Variants in NADK observed in about 807,000 individuals in gnomAD.
The protein encoded by NADK is poly(P)/ATP NAD kinase.
Under a neutral mutation model 49.8 loss-of-function variants are expected in NADK, and 22 were observed. The observed-to-expected ratio is 0.44, with a 90% CI of 0.32 to 0.63. NADK has a LOEUF of 0.63. NADK is among the 30% of genes least tolerant of loss of function. The pLI is 0.06. For synonymous variants in NADK, 268 were observed against 253.7 expected (o/e 1.06, Z -0.54); for missense variants, 438 against 609.4 (o/e 0.72, Z 2.96).
At chr1:1,761,067 T>C (rs938220547) in intron 3 of NADK, among the ~76,000 whole-genome samples, 2 of 152,104 alleles carry the variant, frequency 1.3e-5, no homozygotes, top group Non-Finnish European at 2.9e-5. Context: ...ATCTTCGGCT[T>C]ACTGCAACAT....
chr1:1,771,075 TAC>T (rs1193841983), intron 1 of NADK, among the ~76,000 whole-genome samples: 14 of 142,628 alleles, frequency 9.8e-5, no homozygotes, highest in South Asian at 4.3e-4. Flanking sequence ...TATATATATA[TAC>T]ACACACACAC....
intron 3 of NADK, chr1:1,759,115 T>G: frequency 6.4e-7 from 1 of 1,551,426 alleles, no homozygotes; most frequent in South Asian, 1.2e-5. Context: ...TGGCCTGGCC[T>G]ACACCCATTC....
intron 1 of NADK, among the ~76,000 whole-genome samples, chr1:1,773,156 C>T (rs1241206694): frequency 6.6e-6 from 1 of 150,834 alleles, no homozygotes; most frequent in Middle Eastern, 3.2e-3. Context: ...TTTTTTTTCC[C>T]CAGACGAAGT....
chr1:1,756,296 C>T lies in NADK; in HGVS notation c.547G>A (p.Gly183Arg). 1.2e-6 allele frequency: 2 copies of T among 1,614,152 alleles called. No homozygotes were observed. The highest frequency in any genetic ancestry group is 1.7e-6 in the Non-Finnish European group (2 of 1,180,002). ...GAAGCGTACAGCAGCGTCCCGTCTC[C>T]CCCCAGGCAGATGATGAAGTCTATC... Reference protein sequence around the residue: ...NQIDFIICLGGDGTLLYASSL... With the variant: ...NQIDFIICLGRDGTLLYASSL... Residue 183 changes from glycine to arginine, a missense_variant, in exon 6 of 12, where the codon GGA becomes AGA. Transcript: ENST00000341426.
At chr1:1,753,153 G>A (rs1384005192) in intron 11 of NADK, 93 bp from the exon 12 acceptor site, 7 of 1,451,222 alleles carry the variant, frequency 4.8e-6, no homozygotes, top group African/African-American at 1.4e-5. Flanking sequence ...GGGAATGGCC[G>A]GGACTCTTTT....
intron 1 of NADK, among the ~76,000 whole-genome samples, chr1:1,773,250 C>G (rs1200379981): frequency 6.6e-6 from 1 of 151,120 alleles, no homozygotes; most frequent in Non-Finnish European, 1.5e-5. Flanking sequence ...AGCAATTCTC[C>G]TGCCTCAGCC....
chr1:1,753,953 T>A, intron 10 of NADK, 98 bp downstream of exon 10: 1 of 1,443,022 alleles, frequency 6.9e-7, no homozygotes, highest in Non-Finnish European at 9.3e-7. Flanking sequence ...CGTCTGAGGC[T>A]GGAGCCAGCA....
intron 1 of NADK, among the ~76,000 whole-genome samples, chr1:1,772,679 T>C (rs1454942931): frequency 6.6e-6 from 1 of 151,910 alleles, no homozygotes; most frequent in Non-Finnish European, 1.5e-5. Context: ...AGGTCTATAG[T>C]TTAGTTAGCA....
At chr1:1,778,960 T>C (rs906577068), upstream of NADK, among the ~76,000 whole-genome samples, 4 of 152,140 alleles carry the variant, frequency 2.6e-5, no homozygotes, top group Admixed American at 6.5e-5. This position sits in a 1 kb window ranked among gnomAD's most constrained non-coding sequence, Gnocchi z 4.9. Context: ...TGTGACACGG[T>C]GTGGGCCGAG....
At chr1:1,771,338 T>C (rs1237203122) in intron 1 of NADK, among the ~76,000 whole-genome samples, 1 of 152,016 alleles carries the variant, frequency 6.6e-6, no homozygotes, top group Non-Finnish European at 1.5e-5. Context: ...CTGCAAATGT[T>C]ACCCAAACAC....
chr1:1,755,314 C>A (rs1229142326), intron 7 of NADK, 60 bp downstream of exon 7: 5 of 1,208,560 alleles, frequency 4.1e-6, no homozygotes, highest in African/African-American at 1.5e-5. Flanking sequence ...CCCCCGCAAG[C>A]AAGCGAGACA....
In NADK at chr1:1,773,994, C is replaced by G. The variant is rs1570586791; in HGVS notation, c.-41+4295G>C. ...TGGTGGCCCTCCTGTGTTGACCTCC[C>G]AAAGCATTGGGATTACAGGCATGAG... On this transcript the variant is annotated intron_variant, in intron 1 of 11. Transcript: ENST00000341426. 3.3e-5 allele frequency among the ~76,000 whole-genome samples: 5 copies of G among 152,104 alleles called. No homozygotes were observed. In the East Asian group the frequency reaches 5.8e-4, roughly 18 times the overall value.
chr1:1,753,935 C>T lies in NADK; in HGVS notation c.1101+116G>A, dbSNP rs757502238. ...GGGGCACAGGATGGCCCTAGGATGA[C>T]GAGGCCGCGTCTGAGGCTGGAGCCA... On this transcript the variant is annotated intron_variant, in intron 10 of 11. Transcript: ENST00000341426. 114 of 1,337,232 alleles carry T rather than the reference C, an allele frequency of 8.5e-5. 3 individuals carry two copies. The highest frequency in any genetic ancestry group is 6.2e-4 in the South Asian group (44 of 70,690). The allele number at this position is 1,337,232 out of a possible 1,614,324, so 82.8% of individuals were successfully genotyped here. A position where few individuals can be genotyped will look rare whatever the true frequency, so the allele number is the denominator to read the frequency against.
chr1:1,758,717 C>T, intron 3 of NADK: 1 of 1,335,788 alleles, frequency 7.5e-7, no homozygotes, highest in Non-Finnish European at 9.8e-7. Flanking sequence ...CATGGTCCTC[C>T]TGCCTAATCC....
In NADK at chr1:1,752,417, A is replaced by C. The variant is rs1477835525; in HGVS notation, c.*487T>G. On this transcript the variant is annotated 3_prime_UTR_variant, in exon 12 of 12. Transcript: ENST00000341426. Reference sequence around the variant, plus strand: ...AACCGCCTTGCCAGCCACTGGCAAGACCATGCTTTCAATGGCGCCTCCGCC... The same window carrying C: ...AACCGCCTTGCCAGCCACTGGCAAGCCCATGCTTTCAATGGCGCCTCCGCC... 6.5e-6 allele frequency: 1 copy of C among 154,290 alleles called. No homozygotes were observed. Among genetic ancestry groups the C allele is most frequent in the Non-Finnish European group, 1.4e-5 (1 of 69,416 alleles). The allele number at this position is 154,290 out of a possible 1,614,324, so 9.6% of individuals were successfully genotyped here. A position where few individuals can be genotyped will look rare whatever the true frequency, so the allele number is the denominator to read the frequency against.
intron 3 of NADK, among the ~76,000 whole-genome samples, chr1:1,761,040 TG>T (rs1645706401): frequency 6.6e-6 from 1 of 152,202 alleles, no homozygotes; most frequent in Non-Finnish European, 1.5e-5. Flanking sequence ...TCGCCCAGGC[TG>T]GAGTGCAATG....
chr1:1,759,818 C>G (rs1469285059), intron 3 of NADK: 1 of 1,552,946 alleles, frequency 6.4e-7, no homozygotes, highest in Non-Finnish European at 8.7e-7. Flanking sequence ...GCAGAACATG[C>G]ACCTGTCCGG....
Position 1,754,533 on chromosome 1 carries a change from C to T in NADK, c.843+11G>A, listed in dbSNP as rs371979075. ...TGGGCCCCTCACCGAGGCCGAGGCG[C>T]CTCCACTCACCTGGTACTGCATGGC... On this transcript the variant is annotated intron_variant, in intron 8 of 11. Coordinates refer to ENST00000341426, the MANE Select transcript of NADK (RefSeq NM_023018.5). This position sits in a 1 kb window ranked among gnomAD's most constrained non-coding sequence, Gnocchi z 4.3. The T allele has an allele frequency of 1.2e-6, 2 of 1,606,022 alleles. No individual in the cohort carries two copies. The highest frequency in any genetic ancestry group is 1.7e-6 in the Non-Finnish European group (2 of 1,175,788).
Position 1,754,225 on chromosome 1 carries a change from C to T in NADK, c.944-17G>A, listed in dbSNP as rs762151787. On this transcript the variant is annotated splice_polypyrimidine_tract_variant and intron_variant, in intron 9 of 11. Coordinates refer to ENST00000341426, the MANE Select transcript of NADK (RefSeq NM_023018.5). The surrounding 1 kb of genome is among the most constrained non-coding windows in gnomAD (Gnocchi z 4.3). Reference sequence around the variant, plus strand: ...CGATCACTCCTGACAGGGACAGGCGCAGGCGTCACTCCCGCCCGAGGGACG... The same window carrying T: ...CGATCACTCCTGACAGGGACAGGCGTAGGCGTCACTCCCGCCCGAGGGACG... The T allele has an allele frequency of 2.5e-5, 41 of 1,612,932 alleles. No homozygotes were observed. Among genetic ancestry groups the T allele is most frequent in the African/African-American group, 5.3e-5 (4 of 74,912 alleles).
Sources: gnomAD v4.1 joint callset for allele counts (sites outside exome capture counted in the v4.1 genomes callset) on GRCh38, gnomAD v4.1.1 for gene constraint, Gnocchi (gnomAD v3.1) non-coding constraint, MANE v1.5 for transcripts, NCBI Gene and HGNC (gene_info 2026-07-23, HGNC 2026-07-21) for gene names.